Variants in CSMD3 observed in about 807,000 individuals in gnomAD.
CSMD3 encodes the protein CUB and Sushi multiple domains 3.
In CSMD3, 177 loss-of-function variants were observed where a neutral mutation model predicts 435.2. That is an observed-to-expected ratio of 0.41 (90% CI 0.36 to 0.46). The LOEUF (loss-of-function observed/expected upper bound fraction) is 0.46. CSMD3 is among the 20% of genes least tolerant of loss of function. The pLI is 0.34. For synonymous variants in CSMD3, 1,656 were observed against 1,520.5 expected, an observed-to-expected ratio of 1.09 and a Z score of -2.07; for missense variants, 4,265 against 4,504.6, an observed-to-expected ratio of 0.95 and a Z score of 1.52.
At position 112,824,192 on chromosome 8, in the gene CSMD3, G is replaced by T. The variant is rs573075407; in HGVS notation, c.1859+5494C>A. 2.0e-5 allele frequency among the ~76,000 whole-genome samples: 3 copies of T among 151,308 alleles called. No individual in the cohort carries two copies. In the South Asian group the frequency reaches 6.3e-4, roughly 32 times the overall value. ...TTTGCTTGGTATTTTGAGCCTATTTGTGTCTTTGCACATAAGATGGGTCTC... is the reference window on the plus strand; with the variant it reads ...TTTGCTTGGTATTTTGAGCCTATTTTTGTCTTTGCACATAAGATGGGTCTC... On this transcript the variant is annotated intron_variant, in intron 12 of 70. Transcript: ENST00000297405.
At chr8:113,201,752 A>C (rs2092718216) in intron 3 of CSMD3, among the ~76,000 whole-genome samples, 1 of 152,072 alleles carries the variant, frequency 6.6e-6, no homozygotes, top group African/African-American at 2.4e-5. Flanking sequence ...TTAGAGCAGG[A>C]AGTTTATTTC....
At chr8:113,287,134 C>T (rs550802734) in intron 2 of CSMD3, among the ~76,000 whole-genome samples, 4 of 151,898 alleles carry the variant, frequency 2.6e-5, no homozygotes, top group Admixed American at 6.6e-5. Context: ...ACTCCATTGC[C>T]CTTTTTGCTG....
At chr8:112,418,441 C>T (rs1243826845) in intron 32 of CSMD3, among the ~76,000 whole-genome samples, 1 of 151,954 alleles carries the variant, frequency 6.6e-6, no homozygotes, top group Non-Finnish European at 1.5e-5. Context: ...GAACTGTTTG[C>T]CCTCCATACT....
chr8:113,155,060 A>T (rs1344308474), intron 4 of CSMD3, among the ~76,000 whole-genome samples: 1 of 152,022 alleles, frequency 6.6e-6, no homozygotes, highest in African/African-American at 2.4e-5. Flanking sequence ...TATCTTCCAA[A>T]TCTTTGCCTG....
intron 22 of CSMD3, among the ~76,000 whole-genome samples, chr8:112,636,464 G>T (rs1283815122): frequency 2.1e-5 from 3 of 143,062 alleles, no homozygotes; most frequent in Admixed American, 7.1e-5. Context: ...CTCAAAATAT[G>T]ATTCTATTTC....
chr8:112,855,908 C>T (rs903399022), intron 11 of CSMD3, among the ~76,000 whole-genome samples: 7 of 148,980 alleles, frequency 4.7e-5, no homozygotes, highest in African/African-American at 7.4e-5. Flanking sequence ...TACACTCAAG[C>T]AATGTAACAT....
chr8:113,218,243 A>G (rs2132115305), intron 3 of CSMD3, among the ~76,000 whole-genome samples: 1 of 150,994 alleles, frequency 6.6e-6, no homozygotes, highest in South Asian at 2.1e-4. Context: ...GCCTAAGAAA[A>G]GTAATACTCA....
At chr8:113,114,668 T>C (rs1470760495) in intron 4 of CSMD3, among the ~76,000 whole-genome samples, 1 of 152,150 alleles carries the variant, frequency 6.6e-6, no homozygotes, top group Non-Finnish European at 1.5e-5. Context: ...AGCATCCTAC[T>C]GTAGACCCCA....
intron 1 of CSMD3, among the ~76,000 whole-genome samples, chr8:113,334,120 C>A (rs1329704523): frequency 1.3e-5 from 2 of 151,746 alleles, no homozygotes; most frequent in African/African-American, 4.8e-5. Flanking sequence ...GTATCTGTAA[C>A]CCAGTTGAAC....
chr8:112,871,496 A>G (rs1456419799), intron 10 of CSMD3, among the ~76,000 whole-genome samples: 1 of 152,160 alleles, frequency 6.6e-6, no homozygotes, highest in Admixed American at 6.5e-5. Context: ...AAAAAGGGAA[A>G]TGGAAAAATA....
At chr8:113,132,687 T>C (rs890081018) in intron 4 of CSMD3, among the ~76,000 whole-genome samples, 1 of 152,074 alleles carries the variant, frequency 6.6e-6, no homozygotes. Context: ...AGCGAACTAA[T>C]ACAGAAGCTT....
rs775184997 is a variant in CSMD3 at position 112,265,400 on chromosome 8, CATT to C, written c.9688+8_9688+10del. The C allele has an allele frequency of 3.8e-6, 6 of 1,593,448 alleles. No homozygotes were observed. The South Asian group carries it at 6.6e-5, about 18-fold the overall frequency. On this transcript the variant is annotated splice_region_variant and intron_variant, in intron 60 of 70. Coordinates refer to ENST00000297405, the MANE Select transcript of CSMD3 (RefSeq NM_198123.2). ...TACCATTTTTAAATGTTGAAGAAAT[CATT>C]ATCATACCTCTACAAGTTGGCATTA...
At chr8:112,349,340 T>G (rs2131042400) in intron 40 of CSMD3, among the ~76,000 whole-genome samples, 1 of 152,128 alleles carries the variant, frequency 6.6e-6, no homozygotes, top group East Asian at 1.9e-4. Flanking sequence ...TTCTTACACG[T>G]TAACATCAAA....
intron 1 of CSMD3, among the ~76,000 whole-genome samples, chr8:113,415,402 A>G (rs1325794074): frequency 6.6e-6 from 1 of 152,232 alleles, no homozygotes; most frequent in Non-Finnish European, 1.5e-5. Flanking sequence ...GCCTGTACAA[A>G]GAAGGCTATG....
chr8:112,530,755 T>C (rs1382459061), intron 27 of CSMD3, among the ~76,000 whole-genome samples: 2 of 152,288 alleles, frequency 1.3e-5, no homozygotes, highest in East Asian at 3.9e-4. Flanking sequence ...TACCACAATG[T>C]AACACAGCAT....
intron 26 of CSMD3, 81 bp from the exon 27 acceptor site, chr8:112,550,954 C>A (rs771844298): frequency 7.5e-6 from 7 of 934,490 alleles, no homozygotes; most frequent in Non-Finnish European, 1.2e-5. Context: ...GTGCATTATG[C>A]CTTTTACTAG....
chr8:112,413,417 C>T (rs1224674346), intron 32 of CSMD3, among the ~76,000 whole-genome samples: 1 of 152,122 alleles, frequency 6.6e-6, no homozygotes, highest in East Asian at 1.9e-4. Flanking sequence ...CTGTCGAATC[C>T]TTTTTCCTTT....
intron 1 of CSMD3, among the ~76,000 whole-genome samples, chr8:113,342,882 C>A (rs1225158225): frequency 6.6e-6 from 1 of 151,298 alleles, no homozygotes; most frequent in Non-Finnish European, 1.5e-5. Flanking sequence ...TCCCAATGTC[C>A]AATGATGAAT....
chr8:112,777,857 C>A (rs752194986), intron 13 of CSMD3, among the ~76,000 whole-genome samples: 2 of 151,596 alleles, frequency 1.3e-5, no homozygotes, highest in East Asian at 3.9e-4. Context: ...CTTACTGATG[C>A]CCTGATACTT....
Sources: gnomAD v4.1 joint callset for allele counts (sites outside exome capture counted in the v4.1 genomes callset) on GRCh38, gnomAD v4.1.1 for gene constraint, MANE v1.5 for transcripts, NCBI Gene and HGNC (gene_info 2026-07-23, HGNC 2026-07-21) for gene names.